ESRRG: variants seen among roughly 807,000 people sequenced by gnomAD.
ESRRG encodes estrogen-related receptor gamma.
Under a neutral mutation model 44.0 loss-of-function variants are expected in ESRRG, and 13 were observed. The ratio of observed to expected loss-of-function variants is 0.30; its 90% confidence interval spans 0.19 to 0.47. The LOEUF is 0.47. Ranked by LOEUF, ESRRG falls within the 20% of genes least tolerant of loss-of-function variation. The pLI is 1.00. For missense variants in ESRRG, 395 were observed against 580.6 expected, an observed-to-expected ratio of 0.68 and a Z score of 3.29; for synonymous variants, 215 against 214.6, an observed-to-expected ratio of 1.00 and a Z score of -0.02.
In ESRRG at chr1:216,621,086, A is replaced by T. The variant is rs146610002; in HGVS notation, c.589+29887T>A. On this transcript the variant is annotated intron_variant, in intron 3 of 6. Transcript: ENST00000408911. ...GATAAGATCCTAGAAGCAGCCCCAG[A>T]TATGTATCCACAGTAGAAGCTTAAT... 3.9e-5 allele frequency among the ~76,000 whole-genome samples: 6 copies of T among 152,282 alleles called. No homozygotes were observed. The East Asian group carries it at 9.6e-4, about 24-fold the overall frequency.
At chr1:216,999,911 G>A (rs990656527) in intron 1 of ESRRG, among the ~76,000 whole-genome samples, 1 of 152,118 alleles carries the variant, frequency 6.6e-6, no homozygotes, top group African/African-American at 2.4e-5. Flanking sequence ...GTTTCTAAAA[G>A]GGGAAACTCT....
Position 216,757,782 on chromosome 1 carries a change from ATCTGTACACAGT to A in ESRRG, c.-13-80303_-13-80292del, listed in dbSNP as rs552489278. Among the ~76,000 whole-genome samples the A allele has an allele frequency of 8.5e-4, 129 of 152,230 alleles. 1 individual carries two copies. Among genetic ancestry groups the A allele is most frequent in the African/African-American group, 2.2e-3 (93 of 41,576 alleles). ...CAATTAAGACTTCAGAGCCACAGAT[ATCTGTACACAGT>A]TCTGTACACAGTTCTGCTCTCTTAA... On this transcript the variant is annotated intron_variant, in intron 2 of 7. Coordinates refer to the ESRRG transcript ENST00000359162.
Position 216,771,122 on chromosome 1 carries a change from C to T in ESRRG, c.-13-93631G>A, listed in dbSNP as rs113130621. 9.1e-3 allele frequency among the ~76,000 whole-genome samples: 1,380 copies of T among 152,158 alleles called. 18 individuals carry two copies. Among genetic ancestry groups the T allele is most frequent in the African/African-American group, 0.032 (1,326 of 41,516 alleles). On this transcript the variant is annotated intron_variant, in intron 2 of 7. Coordinates refer to the ESRRG transcript ENST00000359162. ...CCCAAGTAGCCAGGAGGCCATCATGCACTTCAATTCCACTTTTTAACAAAT... is the reference window on the plus strand; with the variant it reads ...CCCAAGTAGCCAGGAGGCCATCATGTACTTCAATTCCACTTTTTAACAAAT...
intron 1 of ESRRG, among the ~76,000 whole-genome samples, chr1:216,947,637 G>A (rs1201762968): frequency 1.3e-5 from 2 of 152,138 alleles, no homozygotes; most frequent in African/African-American, 4.8e-5. Flanking sequence ...ATTCCCCCTG[G>A]AAGAGCCAGT....
chr1:216,991,951 G>C (rs968652355), intron 1 of ESRRG, among the ~76,000 whole-genome samples: 4 of 152,090 alleles, frequency 2.6e-5, no homozygotes, highest in African/African-American at 9.7e-5. Context: ...TTCCATCTTG[G>C]GATACTCCTG....
chr1:216,905,312 T>C (rs2059567465), intron 2 of ESRRG, among the ~76,000 whole-genome samples: 1 of 151,972 alleles, frequency 6.6e-6, no homozygotes, highest in Non-Finnish European at 1.5e-5. Context: ...CTTTTTTTTT[T>C]CCTGTTCTTT....
intron 1 of ESRRG, among the ~76,000 whole-genome samples, chr1:217,108,322 C>T (rs551825745): frequency 6.6e-6 from 1 of 152,278 alleles, no homozygotes; most frequent in African/African-American, 2.4e-5. Flanking sequence ...CTTGGATTCC[C>T]ATCATTCTTT....
intron 1 of ESRRG, among the ~76,000 whole-genome samples, chr1:217,057,141 A>G (rs2087288297): frequency 6.6e-6 from 1 of 152,194 alleles, no homozygotes. Context: ...TTTGAGCCAT[A>G]TGGAACAAGA....
chr1:216,563,382 T>C (rs932211109), intron 5 of ESRRG, among the ~76,000 whole-genome samples: 8 of 152,218 alleles, frequency 5.3e-5, no homozygotes, highest in African/African-American at 1.9e-4. Context: ...TAAATTGGTT[T>C]CAGTGTGGGC....
chr1:217,074,941 T>C (rs1185062626), intron 1 of ESRRG, among the ~76,000 whole-genome samples: 2 of 152,192 alleles, frequency 1.3e-5, no homozygotes, highest in African/African-American at 4.8e-5. Flanking sequence ...TTCTACTTGA[T>C]GATATTTTTC....
intron 2 of ESRRG, among the ~76,000 whole-genome samples, chr1:216,820,769 A>G (rs568186652): frequency 6.6e-6 from 1 of 152,344 alleles, no homozygotes; most frequent in African/African-American, 2.4e-5. Flanking sequence ...ACTGTAGACA[A>G]CAGGTCAAGG....
At chr1:216,880,484 C>A (rs1030798616) in intron 2 of ESRRG, among the ~76,000 whole-genome samples, 1 of 151,834 alleles carries the variant, frequency 6.6e-6, no homozygotes, top group Non-Finnish European at 1.5e-5. Context: ...AACTTGATAC[C>A]ATCATTAAGG....
intron 2 of ESRRG, among the ~76,000 whole-genome samples, chr1:216,895,774 G>T (rs1194774244): frequency 6.6e-6 from 1 of 152,122 alleles, no homozygotes; most frequent in African/African-American, 2.4e-5. Flanking sequence ...CCCAAAAAGA[G>T]CTCTTATCTT....
At chr1:216,647,770 T>C (rs923587973) in intron 3 of ESRRG, among the ~76,000 whole-genome samples, 1 of 152,170 alleles carries the variant, frequency 6.6e-6, no homozygotes, top group African/African-American at 2.4e-5. Context: ...TTCTATCAAC[T>C]ACCCTTTTAA....
chr1:216,848,746 A>G (rs2095798519), intron 2 of ESRRG, among the ~76,000 whole-genome samples: 1 of 151,982 alleles, frequency 6.6e-6, no homozygotes, highest in Non-Finnish European at 1.5e-5. Context: ...TTCGGAAAAT[A>G]TTTGTCTCTG....
intron 1 of ESRRG, among the ~76,000 whole-genome samples, chr1:217,076,289 A>G (rs2091286314): frequency 6.6e-6 from 1 of 152,172 alleles, no homozygotes; most frequent in African/African-American, 2.4e-5. Context: ...AGACACGGCT[A>G]TGCTTCCAAA....
Position 216,505,468 on chromosome 1 carries a change from T to C in ESRRG, c.*1471A>G, listed in dbSNP as rs1004561303. 1 of 152,628 alleles carries C rather than the reference T, an allele frequency of 6.6e-6. No homozygotes were observed. Among genetic ancestry groups the C allele is most frequent in the Non-Finnish European group, 1.5e-5 (1 of 68,030 alleles). The allele number at this position is 152,628 out of a possible 1,614,324, so 9.5% of individuals were successfully genotyped here. A position where few individuals can be genotyped will look rare whatever the true frequency, so the allele number is the denominator to read the frequency against. On this transcript the variant is annotated 3_prime_UTR_variant, in exon 7 of 7. Coordinates refer to ENST00000408911, the MANE Select transcript of ESRRG (RefSeq NM_001438.4). ...GTCTTTGATGATTTTTTTTTTTAAT[T>C]CTGGCATTTGCCTTATTGCCTCTTA...
chr1:217,094,332 T>C (rs1417773464), upstream of ESRRG, among the ~76,000 whole-genome samples: 1 of 152,240 alleles, frequency 6.6e-6, no homozygotes, highest in African/African-American at 2.4e-5. Flanking sequence ...GGATCCAACC[T>C]ATTTTGCCTT....
chr1:217,053,348 A>C (rs920808957), intron 1 of ESRRG, among the ~76,000 whole-genome samples: 3 of 151,694 alleles, frequency 2.0e-5, no homozygotes, highest in Admixed American at 1.3e-4. Flanking sequence ...CCAGCTGCTC[A>C]GGGGGCTGAG....
Sources: allele counts gnomAD v4.1 joint callset (sites outside exome capture counted in the v4.1 genomes callset), GRCh38; gene constraint gnomAD v4.1.1; transcripts MANE v1.5; gene names NCBI Gene and HGNC (gene_info 2026-07-23, HGNC 2026-07-21).